Variants in CDH6 observed in about 807,000 individuals in gnomAD.
The protein encoded by CDH6 is cadherin 6.
Under a neutral mutation model 78.0 loss-of-function variants are expected in CDH6, and 31 were observed. The observed-to-expected ratio is 0.40, with a 90% CI of 0.30 to 0.54. The LOEUF (loss-of-function observed/expected upper bound fraction) is 0.54. Ranked by LOEUF, CDH6 falls within the 20% of genes least tolerant of loss-of-function variation. The probability of loss-of-function intolerance (pLI) is 0.56; values close to 1 mark genes in which losing one functional copy is unlikely to be tolerated. For missense variants in CDH6, 724 were observed against 975.9 expected (o/e 0.74, Z 3.44); for synonymous variants, 376 against 368.8 (o/e 1.02, Z -0.23).
intron 1 of CDH6, among the ~76,000 whole-genome samples, chr5:31,214,966 A>G (rs950949768): frequency 6.6e-6 from 1 of 152,186 alleles, no homozygotes; most frequent in African/African-American, 2.4e-5. Flanking sequence ...CTGAGGAGGT[A>G]TCTTACCCAC....
At chr5:31,222,841 CT>C (rs1457138410) in intron 1 of CDH6, among the ~76,000 whole-genome samples, 3 of 152,128 alleles carry the variant, frequency 2.0e-5, no homozygotes, top group African/African-American at 7.2e-5. Context: ...TATAGGTCAT[CT>C]GCTGTTTTCA....
chr5:31,250,490 A>C (rs1320592124), intron 1 of CDH6: 1 of 152,390 alleles, frequency 6.6e-6, no homozygotes, highest in Admixed American at 6.5e-5. Flanking sequence ...CAACAGGCCC[A>C]GCTCTAGGAG....
intron 7 of CDH6, among the ~76,000 whole-genome samples, chr5:31,311,472 C>A (rs904059667): frequency 1.3e-5 from 2 of 152,316 alleles, no homozygotes; most frequent in East Asian, 3.9e-4. Flanking sequence ...CAATCTGTTC[C>A]AACCTCTGCC....
intron 1 of CDH6, among the ~76,000 whole-genome samples, chr5:31,230,594 A>T (rs1034544271): frequency 6.6e-6 from 1 of 152,190 alleles, no homozygotes; most frequent in Non-Finnish European, 1.5e-5. Flanking sequence ...GAAAAATGAG[A>T]AAAGAAACTT....
At chr5:31,203,233 C>CTTTTTT (rs10656122) in intron 1 of CDH6, among the ~76,000 whole-genome samples, 17 of 127,188 alleles carry the variant, frequency 1.3e-4, no homozygotes, top group African/African-American at 2.5e-4. Context: ...CAGGCAGGTC[C>CTTTTTT]TTTTTTTTTT....
chr5:31,228,984 A>G (rs1030054295), intron 1 of CDH6, among the ~76,000 whole-genome samples: 2 of 152,252 alleles, frequency 1.3e-5, no homozygotes, highest in African/African-American at 4.8e-5. Flanking sequence ...AAAGTACCTT[A>G]TATAATGATA....
At chr5:31,307,806 G>A (rs1738028562) in intron 7 of CDH6, among the ~76,000 whole-genome samples, 2 of 151,980 alleles carry the variant, frequency 1.3e-5, no homozygotes, top group South Asian at 2.1e-4. Context: ...GCGAATTCAG[G>A]CAATATATTT....
At chr5:31,319,297 G>T (rs1034577637) in intron 11 of CDH6, among the ~76,000 whole-genome samples, 2 of 152,124 alleles carry the variant, frequency 1.3e-5, no homozygotes, top group African/African-American at 4.8e-5. Context: ...GTCTCCTCAT[G>T]ACTTGTAATT....
intron 1 of CDH6, among the ~76,000 whole-genome samples, chr5:31,234,825 C>A (rs2111861347): frequency 6.6e-6 from 1 of 152,226 alleles, no homozygotes; most frequent in Non-Finnish European, 1.5e-5. Context: ...TACATGCATG[C>A]ACATATGCAT....
intron 1 of CDH6, among the ~76,000 whole-genome samples, chr5:31,204,963 A>G (rs1740474028): frequency 6.6e-6 from 1 of 152,216 alleles, no homozygotes; most frequent in African/African-American, 2.4e-5. Flanking sequence ...GACTTTTGGG[A>G]AAATCCATTA....
At position 31,324,067 on chromosome 5, in the gene CDH6, G is replaced by A. The variant is rs1166045440; in HGVS notation, c.*759G>A. On this transcript the variant is annotated 3_prime_UTR_variant, in exon 12 of 12. Transcript: ENST00000265071. ...GGAAATAGCTAATAATGTTAACCAA[G>A]GAAATATATTTTACCATACATTTAA... The A allele has an allele frequency of 4.5e-6, 1 of 223,638 alleles. No homozygotes were observed. The highest frequency in any genetic ancestry group is 2.2e-5 in the African/African-American group (1 of 44,860). The allele number at this position is 223,638 out of a possible 1,614,324, so 13.9% of individuals were successfully genotyped here.
chr5:31,264,249 T>C (rs539864918), intron 1 of CDH6, among the ~76,000 whole-genome samples: 1 of 152,380 alleles, frequency 6.6e-6, no homozygotes, highest in African/African-American at 2.4e-5. Context: ...TGCAGATGTT[T>C]GCAATGTATT....
intron 2 of CDH6, among the ~76,000 whole-genome samples, chr5:31,281,478 G>T (rs1364966360): frequency 6.6e-6 from 1 of 152,066 alleles, no homozygotes; most frequent in African/African-American, 2.4e-5. Flanking sequence ...CTGGGATCTG[G>T]CTCTCAGCTT....
At chr5:31,295,262 TTTC>T (rs1337157699) in intron 3 of CDH6, among the ~76,000 whole-genome samples, 14 of 152,094 alleles carry the variant, frequency 9.2e-5, no homozygotes, top group Non-Finnish European at 1.3e-4. Context: ...AATTTTGTTT[TTTC>T]TTCTTCTTCT....
At position 31,325,671 on chromosome 5, in the gene CDH6, T is replaced by C; in HGVS notation, c.*2363T>C. 4.3e-6 allele frequency: 1 copy of C among 231,080 alleles called. No individual in the cohort carries two copies. The allele number at this position is 231,080 out of a possible 1,614,324, so 14.3% of individuals were successfully genotyped here. A position where few individuals can be genotyped will look rare whatever the true frequency, so the allele number is the denominator to read the frequency against. On this transcript the variant is annotated 3_prime_UTR_variant, in exon 12 of 12. Coordinates refer to ENST00000265071, the MANE Select transcript of CDH6 (RefSeq NM_004932.4). ...CTCCTAATAAGTAAAAGTAAGTAGTTCTATAGCAGAATATCTGAGATGTAA... is the reference window on the plus strand; with the variant it reads ...CTCCTAATAAGTAAAAGTAAGTAGTCCTATAGCAGAATATCTGAGATGTAA...
At chr5:31,312,844 T>C (rs1738195773) in intron 7 of CDH6, among the ~76,000 whole-genome samples, 1 of 152,088 alleles carries the variant, frequency 6.6e-6, no homozygotes, top group Non-Finnish European at 1.5e-5. Flanking sequence ...TCTGCCTCAC[T>C]AACCTTGGCC....
chr5:31,277,114 G>A (rs1318249582), intron 2 of CDH6, among the ~76,000 whole-genome samples: 1 of 152,154 alleles, frequency 6.6e-6, no homozygotes, highest in South Asian at 2.1e-4. Flanking sequence ...GCAATTCGGG[G>A]CATGAGTTTA....
chr5:31,313,259 T>C, intron 7 of CDH6, 59 bp from the exon 8 acceptor site: 2 of 1,479,880 alleles, frequency 1.4e-6, no homozygotes, highest in Non-Finnish European at 1.9e-6. Flanking sequence ...TGATGTTCTA[T>C]GATGTGAGAA....
intron 1 of CDH6, among the ~76,000 whole-genome samples, chr5:31,243,166 G>A (rs190570375): frequency 1.1e-3 from 163 of 152,274 alleles, no homozygotes; most frequent in African/African-American, 3.7e-3. Context: ...CTTCTGGTGT[G>A]AGAACCCTCC....
Sources: allele counts gnomAD v4.1 joint callset (sites outside exome capture counted in the v4.1 genomes callset), GRCh38; gene constraint gnomAD v4.1.1; transcripts MANE v1.5; gene names NCBI Gene and HGNC (gene_info 2026-07-23, HGNC 2026-07-21).